The following NOD1 variants were observed in gnomAD, a reference collection of about 807,000 sequenced individuals.
NOD1 encodes the protein nucleotide-binding oligomerization domain-containing protein 1.
In NOD1, 70 loss-of-function variants were observed where a neutral mutation model predicts 81.2. The observed-to-expected ratio is 0.86, with a 90% CI of 0.71 to 1.05. NOD1 has a LOEUF of 1.05. Among genes scored for constraint, NOD1 ranks in the 50% least tolerant of loss-of-function variants. NOD1 has a pLI of 0.00. For synonymous variants in NOD1, 508 were observed against 526.9 expected, an observed-to-expected ratio of 0.96 and a Z score of 0.49; for missense variants, 1,233 against 1,228.0, an observed-to-expected ratio of 1.00 and a Z score of -0.06.
intron 9 of NOD1, 88 bp downstream of exon 9, chr7:30,446,053 G>C (rs1785035564): frequency 1.0e-6 from 1 of 980,416 alleles, no homozygotes; most frequent in Non-Finnish European, 1.6e-6. Context: ...TGGTCCTTCT[G>C]GTGTACTGAT....
intron 9 of NOD1, among the ~76,000 whole-genome samples, chr7:30,438,601 G>A (rs1364959404): frequency 2.6e-5 from 4 of 152,180 alleles, no homozygotes; most frequent in African/African-American, 9.7e-5. Flanking sequence ...TTCACACCAA[G>A]CAAACTACCT....
intron 1 of NOD1, among the ~76,000 whole-genome samples, chr7:30,461,145 A>G (rs1787018433): frequency 6.6e-6 from 1 of 152,220 alleles, no homozygotes; most frequent in African/African-American, 2.4e-5. Flanking sequence ...TACACTCAAA[A>G]TATTTCAGTA....
intron 1 of NOD1, chr7:30,476,110 TCCC>T (rs1382006296): frequency 2.5e-4 from 38 of 151,946 alleles, no homozygotes; most frequent in Admixed American, 2.4e-3. Context: ...CTAAAAAAAA[TCCC>T]CCCAATAATA....
At chr7:30,473,459 A>G (rs1455013402) in intron 1 of NOD1, among the ~76,000 whole-genome samples, 4 of 152,340 alleles carry the variant, frequency 2.6e-5, no homozygotes, top group Non-Finnish European at 2.9e-5. Flanking sequence ...TTTATTACAC[A>G]CAGGCTAACA....
intron 1 of NOD1, chr7:30,460,546 A>G (rs1786932064): frequency 1.0e-6 from 1 of 985,306 alleles, no homozygotes; most frequent in Non-Finnish European, 1.2e-6. Flanking sequence ...GGGATACCCA[A>G]AGGAAAAAAC....
intron 11 of NOD1, among the ~76,000 whole-genome samples, chr7:30,435,217 C>T (rs373059059): frequency 5.9e-5 from 9 of 152,104 alleles, no homozygotes; most frequent in East Asian, 1.9e-4. Context: ...AGAGAGGGAG[C>T]GAGGACTGTG....
In NOD1 at chr7:30,452,259, G is replaced by A. The variant is rs1396619045; in HGVS notation, c.1158C>T (p.Ser386=). The A allele has an allele frequency of 1.2e-6, 2 of 1,613,542 alleles. No homozygotes were observed. The highest frequency in any genetic ancestry group is 2.2e-5 in the East Asian group (1 of 44,894). ...SQLEANPNLC[S]LCSVPLFCWI... ...AGCAGAAGAGGGGCACAGAGCACAG[G>A]CTGCAGAGGTTGGGGTTGGCCTCCA... Residue 386 remains serine (S), a synonymous_variant, in exon 6 of 14, where the codon AGC becomes AGT. Coordinates refer to ENST00000222823, the MANE Select transcript of NOD1 (RefSeq NM_006092.4).
rs773616041 is a variant in NOD1 at position 30,451,367 on chromosome 7, A to G, written c.2050T>C (p.Tyr684His). The change falls in exon 6 of 14, where the codon TAC becomes CAC. Residue 684 changes from tyrosine to histidine, a missense_variant. Tyr to His is a moderately conservative substitution (Grantham distance 83). Transcript: ENST00000222823. This position sits in a 1 kb window ranked among gnomAD's most constrained non-coding sequence, Gnocchi z 4.2. ...CAGTCGGCCGAGCAGGCGTTGCAGTAGGTCAGCTTGAGGTAGTTGGCGCAG... is the reference window on the plus strand; with the variant it reads ...CAGTCGGCCGAGCAGGCGTTGCAGTGGGTCAGCTTGAGGTAGTTGGCGCAG... Reference protein sequence around the residue: ...GICANYLKLTYCNACSADCSA... With the variant: ...GICANYLKLTHCNACSADCSA... 6.2e-7 allele frequency: 1 copy of G among 1,614,192 alleles called. No homozygotes were observed.
intron 1 of NOD1, among the ~76,000 whole-genome samples, chr7:30,476,217 G>T (rs1788765181): frequency 6.6e-6 from 1 of 152,240 alleles, no homozygotes; most frequent in Non-Finnish European, 1.5e-5. Context: ...TTGAATAAGA[G>T]ATAAGACTTT....
rs977265947 is a variant in NOD1 at position 30,437,741 on chromosome 7, C to G, written c.2454-85G>C. ...TCCTTTTTTGCCAATGGCCACAGCT[C>G]AGTTCCTACTCAACAGGCAGATGTT... On this transcript the variant is annotated intron_variant, in intron 9 of 13. Coordinates refer to ENST00000222823, the MANE Select transcript of NOD1 (RefSeq NM_006092.4). 4.5e-6 allele frequency: 4 copies of G among 890,268 alleles called. No homozygotes were observed. In the Admixed American group the frequency reaches 1.6e-4, roughly 35 times the overall value. 55.1% of individuals were successfully genotyped at this position (890,268 alleles called of 1,614,324 possible).
At chr7:30,449,283 G>C (rs1181215836) in intron 6 of NOD1, among the ~76,000 whole-genome samples, 1 of 152,190 alleles carries the variant, frequency 6.6e-6, no homozygotes, top group African/African-American at 2.4e-5. Flanking sequence ...TAGTGTGTAT[G>C]TACATGGCAT....
intron 13 of NOD1, chr7:30,428,441 T>C (rs572329828): frequency 1.3e-5 from 2 of 152,342 alleles, no homozygotes; most frequent in South Asian, 4.1e-4. Flanking sequence ...CCAACACTTA[T>C]GCAAACACAC....
intron 1 of NOD1, among the ~76,000 whole-genome samples, chr7:30,461,550 G>A (rs980696153): frequency 6.6e-6 from 1 of 152,192 alleles, no homozygotes; most frequent in Non-Finnish European, 1.5e-5. Flanking sequence ...AACCTGGCAT[G>A]TGTTTTAATC....
At chr7:30,447,104 A>G in intron 7 of NOD1, 54 bp from the exon 8 acceptor site, 1 of 1,612,734 alleles carries the variant, frequency 6.2e-7, no homozygotes. Context: ...TCATTTTAAT[A>G]GCCCCTGTTT....
intron 4 of NOD1, among the ~76,000 whole-genome samples, chr7:30,455,666 A>C (rs1029154958): frequency 6.6e-6 from 1 of 151,592 alleles, no homozygotes; most frequent in Non-Finnish European, 1.5e-5. Context: ...CAATGGCACA[A>C]TCTTGGCTCA....
intron 1 of NOD1, among the ~76,000 whole-genome samples, chr7:30,464,661 G>A (rs1268955905): frequency 2.0e-5 from 3 of 152,186 alleles, no homozygotes; most frequent in Non-Finnish European, 4.4e-5. Context: ...ATGTTTGCTG[G>A]TGATTTTAGG....
In NOD1 at chr7:30,448,285, G is replaced by A; in HGVS notation, c.2285+13C>T. 1 of 1,605,178 alleles carries A rather than the reference G, an allele frequency of 6.2e-7. No individual in the cohort carries two copies. The highest frequency in any genetic ancestry group is 2.2e-5 in the East Asian group (1 of 44,850). On this transcript the variant is annotated intron_variant, in intron 7 of 13. Coordinates refer to ENST00000222823, the MANE Select transcript of NOD1 (RefSeq NM_006092.4). ...ACTAGGTAGTTGGCCCAGTGTTCTG[G>A]AGAAAGACATACCCCAAATAGGTCA...
intron 1 of NOD1, among the ~76,000 whole-genome samples, chr7:30,469,672 A>C (rs1788069085): frequency 6.7e-6 from 1 of 149,336 alleles, no homozygotes; most frequent in African/African-American, 2.6e-5. Context: ...GTGCACAGAG[A>C]GCCAGCTCCT....
chr7:30,477,614 A>G (rs1255355668), intron 1 of NOD1, among the ~76,000 whole-genome samples: 1 of 151,960 alleles, frequency 6.6e-6, no homozygotes, highest in Non-Finnish European at 1.5e-5. Flanking sequence ...TCCCGGGTTC[A>G]AGCAATTCTC....
Sources: gnomAD v4.1 joint callset for allele counts (sites outside exome capture counted in the v4.1 genomes callset) on GRCh38, gnomAD v4.1.1 for gene constraint, Gnocchi (gnomAD v3.1) non-coding constraint, MANE v1.5 for transcripts, NCBI Gene and HGNC (gene_info 2026-07-23, HGNC 2026-07-21) for gene names.